The following NINJ1 variants were observed in gnomAD, a reference collection of about 807,000 sequenced individuals.
The protein encoded by NINJ1 is ninjurin 1, also known as ninjurin-1.
Under a neutral mutation model 12.7 loss-of-function variants are expected in NINJ1, and 6 were observed. The observed-to-expected ratio is 0.47, with a 90% CI of 0.26 to 0.93. NINJ1 has a LOEUF of 0.93. Among genes scored for constraint, NINJ1 ranks in the 40% least tolerant of loss-of-function variants. NINJ1 has a pLI of 0.15. For missense variants in NINJ1, 170 were observed against 213.0 expected (o/e 0.80, Z 1.26); for synonymous variants, 100 against 96.0 (o/e 1.04, Z -0.25).
rs536408422 is a variant in NINJ1, at chr9:93,128,952, C to T, written c.76-2314G>A. 5.3e-5 allele frequency among the ~76,000 whole-genome samples: 8 copies of T among 152,334 alleles called. No individual in the cohort carries two copies. The South Asian group carries it at 1.7e-3, about 32-fold the overall frequency. ...CACAAGCCCAGGCTAACTGTGTTGGCCTCTGGGCAGGAGGAAGAATTCCCT... is the reference window on the plus strand; with the variant it reads ...CACAAGCCCAGGCTAACTGTGTTGGTCTCTGGGCAGGAGGAAGAATTCCCT... On this transcript the variant is annotated intron_variant, in intron 1 of 3. Transcript: ENST00000375446.
intron 1 of NINJ1, among the ~76,000 whole-genome samples, chr9:93,131,290 C>T (rs1348341513): frequency 6.6e-6 from 1 of 152,246 alleles, no homozygotes; most frequent in African/African-American, 2.4e-5. Flanking sequence ...CAGGCAGACC[C>T]ACTTCCCGCG....
rs1014023448 is a variant in NINJ1 at position 93,134,021 on chromosome 9, G to C, written c.75+122C>G. On this transcript the variant is annotated intron_variant, in intron 1 of 3. Transcript: ENST00000375446. ...GATGGGGCGGGAAGGACTTGGCCTAGAGCGGGACGTCCCCCAACACTCTGC... is the reference window on the plus strand; with the variant it reads ...GATGGGGCGGGAAGGACTTGGCCTACAGCGGGACGTCCCCCAACACTCTGC... 22 of 661,088 alleles carry C rather than the reference G, an allele frequency of 3.3e-5. No homozygotes were observed. In the South Asian group the frequency reaches 6.5e-4, roughly 20 times the overall value. 41.0% of individuals were successfully genotyped at this position (661,088 alleles called of 1,614,324 possible).
Position 93,121,732 on chromosome 9 carries a change from C to G in NINJ1, c.*508G>C, listed in dbSNP as rs1156820556. 1.3e-5 allele frequency: 2 copies of G among 152,354 alleles called. No individual in the cohort carries two copies. Among genetic ancestry groups the G allele is most frequent in the Non-Finnish European group, 2.9e-5 (2 of 68,154 alleles). 9.4% of individuals were successfully genotyped at this position (152,354 alleles called of 1,614,324 possible). On this transcript the variant is annotated 3_prime_UTR_variant, in exon 4 of 4. Transcript: ENST00000375446. Reference sequence around the variant, plus strand: ...AAAGGCAGTTCTGGCTGTGCAGGGTCCCTGGGTTAGGAAGTGGACAGAGGC... The same window carrying G: ...AAAGGCAGTTCTGGCTGTGCAGGGTGCCTGGGTTAGGAAGTGGACAGAGGC...
At chr9:93,122,914 A>G (rs933822285) in intron 3 of NINJ1, among the ~76,000 whole-genome samples, 1 of 152,232 alleles carries the variant, frequency 6.6e-6, no homozygotes, top group African/African-American at 2.4e-5. Context: ...CAGGTGATTA[A>G]TAAATGGCCT....
intron 1 of NINJ1, chr9:93,131,655 T>C (rs1827894835): frequency 6.6e-6 from 1 of 152,294 alleles, no homozygotes; most frequent in East Asian, 1.9e-4. Context: ...CATTTTCACA[T>C]TAACATTGTT....
intron 1 of NINJ1, among the ~76,000 whole-genome samples, chr9:93,129,976 G>A (rs1034215945): frequency 6.6e-6 from 1 of 152,200 alleles, no homozygotes; most frequent in Non-Finnish European, 1.5e-5. Flanking sequence ...GCCTGAGGGT[G>A]GCCGGGGGAC....
At position 93,126,342 on chromosome 9, in the gene NINJ1, C is replaced by A. The variant is rs183379364; in HGVS notation, c.304+68G>T. ...AGTGTGCAAGGTGGTGGGCACCTGT[C>A]CCAGGCGATGCGAGCAGATGCCAGC... On this transcript the variant is annotated intron_variant, in intron 2 of 3. Transcript: ENST00000375446. 1.2e-4 allele frequency: 166 copies of A among 1,399,720 alleles called. No individual in the cohort carries two copies. In the African/African-American group the frequency reaches 2.1e-3, roughly 18 times the overall value. The allele number at this position is 1,399,720 out of a possible 1,614,324, so 86.7% of individuals were successfully genotyped here.
chr9:93,127,395 C>A (rs10992647), intron 1 of NINJ1, among the ~76,000 whole-genome samples: 20 of 152,168 alleles, frequency 1.3e-4, no homozygotes, highest in South Asian at 4.1e-4. Flanking sequence ...CTGGTCAGGG[C>A]CCCCTGCAGT....
intron 1 of NINJ1, among the ~76,000 whole-genome samples, chr9:93,128,043 A>G (rs1280824268): frequency 6.6e-6 from 1 of 152,126 alleles, no homozygotes; most frequent in Non-Finnish European, 1.5e-5. Context: ...GCGTCAGGGG[A>G]CACTGGTGGG....
intron 1 of NINJ1, 37 bp from the exon 2 acceptor site, chr9:93,126,675 G>GA (rs1564219220): frequency 6.6e-7 from 1 of 1,521,540 alleles, no homozygotes. Context: ...GCGGGTGGGG[G>GA]AGGGGGGCAA....
rs145706993 is a variant in NINJ1, at chr9:93,124,192, G to A, written c.*9+707C>T. ...CCAAGGTCCCTTTTTCTCAGACGAGGGCTGGGAGGAAGCTTCACCTGCTAA... is the reference window on the plus strand; with the variant it reads ...CCAAGGTCCCTTTTTCTCAGACGAGAGCTGGGAGGAAGCTTCACCTGCTAA... On this transcript the variant is annotated intron_variant, in intron 3 of 3. Coordinates refer to ENST00000375446, the MANE Select transcript of NINJ1 (RefSeq NM_004148.4). Among the ~76,000 whole-genome samples, 28 of 152,336 alleles carry A rather than the reference G, an allele frequency of 1.8e-4. 1 individual carries two copies. The highest frequency in any genetic ancestry group is 4.1e-4 in the South Asian group (2 of 4,826).
chr9:93,125,900 A>C (rs1827803905), intron 2 of NINJ1: 1 of 116,086 alleles, frequency 8.6e-6, no homozygotes, highest in Non-Finnish European at 1.9e-5. Flanking sequence ...TTTCAAAAAC[A>C]AAACAAAACA....
At chr9:93,131,771 A>T (rs10114849) in intron 1 of NINJ1, among the ~76,000 whole-genome samples, 25 of 152,340 alleles carry the variant, frequency 1.6e-4, no homozygotes, top group East Asian at 1.4e-3. Flanking sequence ...CACACGGGGT[A>T]GGGGAGACCT....
At chr9:93,132,522 G>C (rs866812025) in intron 1 of NINJ1, among the ~76,000 whole-genome samples, 22 of 152,280 alleles carry the variant, frequency 1.4e-4, no homozygotes, top group East Asian at 5.8e-4. Flanking sequence ...TGCCCTCCAG[G>C]GCTCAGAGCC....
At chr9:93,127,039 G>C (rs1587664724) in intron 1 of NINJ1, among the ~76,000 whole-genome samples, 1 of 152,124 alleles carries the variant, frequency 6.6e-6, no homozygotes, top group Admixed American at 6.5e-5. Context: ...GAAAGGAAGT[G>C]ACGTGTGGGC....
chr9:93,122,534 A>G (rs1827750682), intron 3 of NINJ1, among the ~76,000 whole-genome samples: 1 of 151,762 alleles, frequency 6.6e-6, no homozygotes, highest in Non-Finnish European at 1.5e-5. Context: ...TGTCAGGGCC[A>G]TTTGCACACC....
At position 93,125,071 on chromosome 9, in the gene NINJ1, G is replaced by A. The variant is rs771147638; in HGVS notation, c.305-9C>T. The A allele has an allele frequency of 4.7e-5, 76 of 1,607,410 alleles. No homozygotes were observed. Among genetic ancestry groups the A allele is most frequent in the Non-Finnish European group, 5.1e-5 (60 of 1,176,198 alleles). ...GTTAAGGTCGTACTTGACTGTGGGC[G>A]AGAGAGGAGTGGATGGTGCCAAGGG... On this transcript the variant is annotated splice_polypyrimidine_tract_variant and intron_variant, in intron 2 of 3. Coordinates refer to ENST00000375446, the MANE Select transcript of NINJ1 (RefSeq NM_004148.4).
chr9:93,127,699 C>T (rs546280450), intron 1 of NINJ1, among the ~76,000 whole-genome samples: 21 of 152,342 alleles, frequency 1.4e-4, no homozygotes, highest in East Asian at 5.8e-4. Flanking sequence ...TGTCCACAGG[C>T]GCCCCTGAGT....
intron 2 of NINJ1, chr9:93,126,124 G>A: frequency 2.3e-6 from 1 of 443,106 alleles, no homozygotes; most frequent in Admixed American, 4.1e-5. Context: ...TTGAGCCCAG[G>A]AGATGCAGCT....
Sources: gnomAD v4.1 joint callset for allele counts (sites outside exome capture counted in the v4.1 genomes callset) on GRCh38, gnomAD v4.1.1 for gene constraint, MANE v1.5 for transcripts, NCBI Gene and HGNC (gene_info 2026-07-23, HGNC 2026-07-21) for gene names.